FBXO4: variants seen among roughly 807,000 people sequenced by gnomAD.
The protein encoded by FBXO4 is F-box protein 4, also known as F-box only protein 4.
FBXO4 carries 36 observed loss-of-function variants against 43.7 expected under a neutral mutation model. That is an observed-to-expected ratio of 0.82 (90% confidence interval 0.63 to 1.09). The LOEUF (loss-of-function observed/expected upper bound fraction) is 1.09, where lower values mean the gene tolerates loss of function less well. FBXO4 is among the 50% of genes least tolerant of loss of function. The pLI is 0.00. For missense variants in FBXO4, 435 were observed against 474.1 expected (o/e 0.92, Z 0.77); for synonymous variants, 180 against 165.6 (o/e 1.09, Z -0.67).
intron 3 of FBXO4, among the ~76,000 whole-genome samples, chr5:41,933,241 A>T (rs1299210034): frequency 6.6e-6 from 1 of 152,102 alleles, no homozygotes; most frequent in Non-Finnish European, 1.5e-5. Context: ...ATTTTTTGAG[A>T]CAAGGTCTCT....
chr5:42,002,741 A>G, the FBXO4 span, among the ~76,000 whole-genome samples: 1 of 152,166 alleles, frequency 6.6e-6, no homozygotes, highest in Non-Finnish European at 1.5e-5. Context: ...TATGTCTTCA[A>G]TGTTGCCTTC....
the FBXO4 span, among the ~76,000 whole-genome samples, chr5:41,963,006 C>A: frequency 6.6e-6 from 1 of 152,042 alleles, no homozygotes; most frequent in African/African-American, 2.4e-5. Flanking sequence ...AGGTTTTATC[C>A]CTCATTCTTA....
chr5:41,961,296 T>A, the FBXO4 span, among the ~76,000 whole-genome samples: 1 of 152,154 alleles, frequency 6.6e-6, no homozygotes, highest in African/African-American at 2.4e-5. Context: ...CAATCTTTTT[T>A]TCTCTCACTG....
the FBXO4 span, among the ~76,000 whole-genome samples, chr5:41,971,970 C>T: frequency 1.3e-5 from 2 of 151,970 alleles, no homozygotes; most frequent in African/African-American, 4.8e-5. Context: ...ATGACAAACC[C>T]ACAGCTAACA....
At chr5:41,998,223 A>G in the FBXO4 span, among the ~76,000 whole-genome samples, 1 of 152,106 alleles carries the variant, frequency 6.6e-6, no homozygotes, top group African/African-American at 2.4e-5. Flanking sequence ...AGTTATCCCC[A>G]TTATATTTAA....
At position 41,941,361 on chromosome 5, in the gene FBXO4, C is replaced by A. The variant is rs1354506669; in HGVS notation, c.*80C>A. 7.5e-6 allele frequency: 9 copies of A among 1,207,360 alleles called. No individual in the cohort carries two copies. In the African/African-American group the frequency reaches 1.0e-4, roughly 14 times the overall value. The allele number at this position is 1,207,360 out of a possible 1,614,324, so 74.8% of individuals were successfully genotyped here. A position where few individuals can be genotyped will look rare whatever the true frequency, so the allele number is the denominator to read the frequency against. On this transcript the variant is annotated 3_prime_UTR_variant, in exon 7 of 7. Coordinates refer to ENST00000281623, the MANE Select transcript of FBXO4 (RefSeq NM_012176.3). ...TGATGTGAATATTTGCTCAGTCAGC[C>A]CACCTTGTCCTGCCTTTTTGCAGAT...
chr5:41,979,213 T>C, the FBXO4 span, among the ~76,000 whole-genome samples: 6 of 152,326 alleles, frequency 3.9e-5, no homozygotes, highest in Non-Finnish European at 8.8e-5. Context: ...CAGACAACCA[T>C]AGGTCATAGA....
At chr5:42,006,636 G>C in the FBXO4 span, among the ~76,000 whole-genome samples, 1 of 151,848 alleles carries the variant, frequency 6.6e-6, no homozygotes, top group Admixed American at 6.6e-5. Flanking sequence ...AGAAAGTTGA[G>C]AAGGAAGAAA....
At chr5:41,926,930 T>C in intron 1 of FBXO4, 83 bp from the exon 2 acceptor site, 1 of 745,296 alleles carries the variant, frequency 1.3e-6, no homozygotes, top group Admixed American at 2.8e-5. Flanking sequence ...CCTTTTGTTA[T>C]TTATTTGTTG....
chr5:42,001,930 TGGGC>T, the FBXO4 span, among the ~76,000 whole-genome samples: 1 of 152,254 alleles, frequency 6.6e-6, no homozygotes, highest in East Asian at 1.9e-4. Context: ...CTCCTGACCT[TGGGC>T]GATCTGCTCG....
At chr5:41,968,693 G>C in the FBXO4 span, among the ~76,000 whole-genome samples, 29 of 151,836 alleles carry the variant, frequency 1.9e-4, no homozygotes, top group African/African-American at 6.8e-4. Context: ...ATTCTGACTT[G>C]GTACCTAAGT....
At chr5:41,982,092 T>C in the FBXO4 span, among the ~76,000 whole-genome samples, 22 of 152,204 alleles carry the variant, frequency 1.4e-4, no homozygotes, top group Middle Eastern at 3.2e-3. Flanking sequence ...TCATTTTTAA[T>C]GGCTGCATAG....
chr5:41,967,007 T>G, the FBXO4 span: 4 of 253,706 alleles, frequency 1.6e-5, no homozygotes, highest in South Asian at 1.9e-4. Context: ...CCATGAAAGC[T>G]TTCAATAAAT....
chr5:42,030,761 GA>G, the FBXO4 span, among the ~76,000 whole-genome samples: 1 of 151,724 alleles, frequency 6.6e-6, no homozygotes, highest in African/African-American at 2.4e-5. Context: ...AAATTTACAA[GA>G]AAAAAACAAA....
the FBXO4 span, among the ~76,000 whole-genome samples, chr5:41,981,273 A>G: frequency 4.1e-3 from 628 of 152,224 alleles, 3 homozygotes; most frequent in African/African-American, 0.015. Context: ...TGAGGCTATT[A>G]GTTAATTTAT....
At position 41,941,323 on chromosome 5, in the gene FBXO4, A is replaced by T. The variant is rs1752000341; in HGVS notation, c.*42A>T. 6.5e-7 allele frequency: 1 copy of T among 1,547,476 alleles called. No homozygotes were observed. The highest frequency in any genetic ancestry group is 8.9e-7 in the Non-Finnish European group (1 of 1,120,450). On this transcript the variant is annotated 3_prime_UTR_variant, in exon 7 of 7. Coordinates refer to ENST00000281623, the MANE Select transcript of FBXO4 (RefSeq NM_012176.3). Reference sequence around the variant, plus strand: ...TGGGAACTGAAACCATTTGAAATTTATTACTAAGGTCGTGATGTGAATATT... The same window carrying T: ...TGGGAACTGAAACCATTTGAAATTTTTTACTAAGGTCGTGATGTGAATATT...
intron 5 of FBXO4, among the ~76,000 whole-genome samples, chr5:41,935,699 G>T (rs574767992): frequency 1.3e-5 from 2 of 152,332 alleles, no homozygotes; most frequent in East Asian, 3.9e-4. Context: ...CCTACCTAAG[G>T]CCTGAGGCTG....
the FBXO4 span, among the ~76,000 whole-genome samples, chr5:41,957,695 T>G: frequency 6.6e-6 from 1 of 151,858 alleles, no homozygotes; most frequent in Non-Finnish European, 1.5e-5. Flanking sequence ...AAGTCCCTCT[T>G]TGATAATTTT....
Position 41,934,004 on chromosome 5 carries a change from C to G in FBXO4, c.705C>G (p.Ile235Met). The G allele has an allele frequency of 6.2e-7, 1 of 1,613,830 alleles. No individual in the cohort carries two copies. Among genetic ancestry groups the G allele is most frequent in the Non-Finnish European group, 8.5e-7 (1 of 1,179,854 alleles). Residue 235 changes from isoleucine to methionine, a missense_variant, in exon 4 of 7, where the codon ATC (isoleucine) becomes ATG (methionine). By Grantham distance (10) the Ile-to-Met change is conservative (BLOSUM62 1). Transcript: ENST00000281623. Reference protein sequence around the residue: ...LNNQHKFNILILYSTTRKERD... With the variant: ...LNNQHKFNILMLYSTTRKERD... ...ACCAACATAAATTCAACATTCTAAT[C>G]TTATATTCAACTACCAGGTAAGGCT...
Sources: allele counts gnomAD v4.1 joint callset (sites outside exome capture counted in the v4.1 genomes callset), GRCh38; gene constraint gnomAD v4.1.1; transcripts MANE v1.5; gene names NCBI Gene and HGNC (gene_info 2026-07-23, HGNC 2026-07-21).